The following PCDH9 variants were observed in gnomAD, a reference collection of about 807,000 sequenced individuals.
The protein encoded by PCDH9 is protocadherin-9.
Under a neutral mutation model 70.6 loss-of-function variants are expected in PCDH9, and 24 were observed. That is an observed-to-expected ratio of 0.34 (90% CI 0.25 to 0.48). PCDH9 has a LOEUF of 0.48. Ranked by LOEUF, PCDH9 falls within the 20% of genes least tolerant of loss-of-function variation. The pLI is 0.99. For missense variants in PCDH9, 1,281 were observed against 1,503.6 expected (o/e 0.85, Z 2.45); for synonymous variants, 562 against 558.5 (o/e 1.01, Z -0.09).
intron 4 of PCDH9, among the ~76,000 whole-genome samples, chr13:66,475,651 A>G (rs1958710927): frequency 6.6e-6 from 1 of 152,086 alleles, no homozygotes; most frequent in Non-Finnish European, 1.5e-5. Flanking sequence ...AATGCAATAA[A>G]CATGTATTTG....
chr13:66,616,484 C>CTTTTTTTTTTTTTTT (rs60587237), intron 4 of PCDH9, among the ~76,000 whole-genome samples: 10 of 116,676 alleles, frequency 8.6e-5, no homozygotes, highest in East Asian at 2.6e-4. Flanking sequence ...TTCTAAAATT[C>CTTTTTTTTTTTTTTT]TTTTTTTTTT....
At chr13:66,982,181 C>T (rs2083786779) in intron 2 of PCDH9, among the ~76,000 whole-genome samples, 1 of 152,206 alleles carries the variant, frequency 6.6e-6, no homozygotes, top group African/African-American at 2.4e-5. Flanking sequence ...CTTCGCCTTC[C>T]ACCGTGAGTA....
intron 4 of PCDH9, among the ~76,000 whole-genome samples, chr13:66,438,864 C>T (rs539520965): frequency 3.3e-5 from 5 of 152,228 alleles, no homozygotes; most frequent in Admixed American, 3.3e-4. Context: ...CAAGCCTGTC[C>T]TAATACTAGC....
chr13:66,571,569 T>C (rs7984453), intron 4 of PCDH9, among the ~76,000 whole-genome samples: 70,352 of 151,674 alleles, frequency 0.46, 16,675 homozygotes, highest in African/African-American at 0.53. Flanking sequence ...CCTTTTCTGC[T>C]CTACATATCA....
chr13:66,491,683 T>G (rs1959036660), intron 4 of PCDH9, among the ~76,000 whole-genome samples: 3 of 152,258 alleles, frequency 2.0e-5, no homozygotes, highest in African/African-American at 7.2e-5. Flanking sequence ...CTTTATTCCT[T>G]TTGTTATATT....
chr13:66,795,803 T>G (rs1260322356), intron 3 of PCDH9, among the ~76,000 whole-genome samples: 1 of 152,162 alleles, frequency 6.6e-6, no homozygotes, highest in Non-Finnish European at 1.5e-5. Flanking sequence ...CAACTGAACT[T>G]TTACTGTGGC....
At chr13:66,981,033 C>T (rs2083752839) in intron 2 of PCDH9, among the ~76,000 whole-genome samples, 2 of 151,972 alleles carry the variant, frequency 1.3e-5, no homozygotes, top group Non-Finnish European at 2.9e-5. Context: ...CTATTTTAAA[C>T]GTGTACTATA....
chr13:67,099,725 C>T (rs961237146), intron 2 of PCDH9, among the ~76,000 whole-genome samples: 2 of 152,132 alleles, frequency 1.3e-5, no homozygotes, highest in African/African-American at 4.8e-5. Context: ...GCTGACACTC[C>T]GGCCCAGATA....
intron 4 of PCDH9, among the ~76,000 whole-genome samples, chr13:66,583,724 C>T (rs922761444): frequency 2.6e-5 from 4 of 152,236 alleles, no homozygotes; most frequent in African/African-American, 7.2e-5. Context: ...AAATACTCCA[C>T]GGAAAAGCGT....
chr13:66,412,446 G>C (rs1310915777), intron 4 of PCDH9, among the ~76,000 whole-genome samples: 1 of 152,168 alleles, frequency 6.6e-6, no homozygotes, highest in Non-Finnish European at 1.5e-5. Flanking sequence ...AGCCGGGCAA[G>C]GACAGACGGA....
intron 4 of PCDH9, among the ~76,000 whole-genome samples, chr13:66,346,493 G>C (rs866185883): frequency 1.1e-4 from 17 of 152,208 alleles, no homozygotes; most frequent in African/African-American, 3.6e-4. Context: ...AGTTTTGAAA[G>C]CAAGGTGCAG....
intron 3 of PCDH9, among the ~76,000 whole-genome samples, chr13:66,892,911 A>G (rs1364685430): frequency 6.6e-6 from 1 of 152,096 alleles, no homozygotes; most frequent in East Asian, 1.9e-4. Flanking sequence ...TAAATTTCTG[A>G]TTTGCATGTT....
rs1955410897 is a variant in PCDH9 at position 66,303,761 on chromosome 13, A to G, written c.*894T>C. ...AGTGATTTTGCTTTTGCCTACTTTG[A>G]AAATAAGATGATAAAAAATAGGTTC... On this transcript the variant is annotated 3_prime_UTR_variant, in exon 5 of 5. Coordinates refer to ENST00000377865, the MANE Select transcript of PCDH9 (RefSeq NM_203487.3). The G allele has an allele frequency of 6.6e-6, 1 of 152,360 alleles. No individual in the cohort carries two copies. The highest frequency in any genetic ancestry group is 1.5e-5 in the Non-Finnish European group (1 of 67,960). The allele number at this position is 152,360 out of a possible 1,614,324, so 9.4% of individuals were successfully genotyped here. A position where few individuals can be genotyped will look rare whatever the true frequency, so the allele number is the denominator to read the frequency against.
chr13:66,525,860 A>G (rs1316284888), intron 4 of PCDH9, among the ~76,000 whole-genome samples: 3 of 152,188 alleles, frequency 2.0e-5, no homozygotes, highest in African/African-American at 7.2e-5. Flanking sequence ...AAGACGACAT[A>G]CGTTCTTCAC....
intron 3 of PCDH9, among the ~76,000 whole-genome samples, chr13:66,751,513 T>G (rs941480009): frequency 6.6e-6 from 1 of 152,234 alleles, no homozygotes; most frequent in African/African-American, 2.4e-5. Flanking sequence ...AGTAAGTTCA[T>G]GTACCCAAAA....
At chr13:66,558,202 C>T (rs567555538) in intron 4 of PCDH9, among the ~76,000 whole-genome samples, 16 of 152,144 alleles carry the variant, frequency 1.1e-4, no homozygotes, top group Non-Finnish European at 1.8e-4. Flanking sequence ...ATTTCTTTCA[C>T]ATTCATTACT....
chr13:67,000,032 C>T (rs1009833411), intron 2 of PCDH9, among the ~76,000 whole-genome samples: 8 of 152,074 alleles, frequency 5.3e-5, no homozygotes, highest in East Asian at 1.9e-4. Flanking sequence ...CACATGCACA[C>T]GTATGTTTAT....
At chr13:66,806,208 T>C (rs2080407791) in intron 3 of PCDH9, among the ~76,000 whole-genome samples, 1 of 152,130 alleles carries the variant, frequency 6.6e-6, no homozygotes, top group Non-Finnish European at 1.5e-5. Flanking sequence ...ATCCCAAATA[T>C]GTTTAAAATT....
intron 4 of PCDH9, among the ~76,000 whole-genome samples, chr13:66,419,623 A>G (rs1353092494): frequency 1.3e-5 from 2 of 152,084 alleles, no homozygotes; most frequent in South Asian, 2.1e-4. Flanking sequence ...CATTCCAGCC[A>G]AGATGCTATG....
Sources: allele counts gnomAD v4.1 joint callset (sites outside exome capture counted in the v4.1 genomes callset), GRCh38; gene constraint gnomAD v4.1.1; transcripts MANE v1.5; gene names NCBI Gene and HGNC (gene_info 2026-07-23, HGNC 2026-07-21).